The following BICC1 variants were observed in gnomAD, a reference collection of about 807,000 sequenced individuals.
The protein encoded by BICC1 is BicC family RNA binding protein 1.
BICC1 carries 43 observed loss-of-function variants against 111.0 expected under a neutral mutation model. That is an observed-to-expected ratio of 0.39 (90% CI 0.30 to 0.50). The LOEUF is 0.50. Among genes scored for constraint, BICC1 ranks in the 20% least tolerant of loss-of-function variants. BICC1 has a pLI of 0.88. For synonymous variants in BICC1, 467 were observed against 434.4 expected (o/e 1.07, Z -0.93); for missense variants, 1,091 against 1,203.2 (o/e 0.91, Z 1.38).
intron 14 of BICC1, among the ~76,000 whole-genome samples, chr10:58,801,939 T>C (rs1843560089): frequency 6.6e-6 from 1 of 152,224 alleles, no homozygotes; most frequent in Non-Finnish European, 1.5e-5. Context: ...TTAAAATAGA[T>C]ACGTATTCTT....
chr10:58,573,657 A>C (rs1169590718), intron 1 of BICC1, among the ~76,000 whole-genome samples: 1 of 152,126 alleles, frequency 6.6e-6, no homozygotes, highest in African/African-American at 2.4e-5. Flanking sequence ...AACCCTTATT[A>C]ATGAGCAGGG....
intron 1 of BICC1, among the ~76,000 whole-genome samples, chr10:58,567,183 G>A (rs777841421): frequency 6.6e-6 from 1 of 152,058 alleles, no homozygotes; most frequent in East Asian, 1.9e-4. Context: ...GTCACAGAAA[G>A]CTTTCTATGC....
chr10:58,596,979 C>A (rs1311801517), intron 1 of BICC1, among the ~76,000 whole-genome samples: 1 of 152,172 alleles, frequency 6.6e-6, no homozygotes, highest in Non-Finnish European at 1.5e-5. Flanking sequence ...CCGTACTGCC[C>A]AAAGTAATTT....
intron 2 of BICC1, among the ~76,000 whole-genome samples, chr10:58,621,917 AAT>A: frequency 3.6e-5 from 1 of 27,650 alleles, no homozygotes; most frequent in South Asian, 1.3e-3. Context: ...AATAGAATAG[AAT>A]AGAATAGAAT....
intron 1 of BICC1, among the ~76,000 whole-genome samples, chr10:58,570,584 T>G (rs1843917832): frequency 6.6e-6 from 1 of 152,198 alleles, no homozygotes; most frequent in Non-Finnish European, 1.5e-5. Flanking sequence ...CTTTGTAGGC[T>G]TCTTTTCAGC....
At chr10:58,583,617 TG>T (rs1844347623) in intron 1 of BICC1, among the ~76,000 whole-genome samples, 1 of 151,772 alleles carries the variant, frequency 6.6e-6, no homozygotes, top group Non-Finnish European at 1.5e-5. Flanking sequence ...TGTGTGTGTG[TG>T]TGTGTGTGTA....
At chr10:58,569,519 C>A (rs765317814) in intron 1 of BICC1, among the ~76,000 whole-genome samples, 3 of 152,124 alleles carry the variant, frequency 2.0e-5, no homozygotes, top group Non-Finnish European at 2.9e-5. Flanking sequence ...TTAGGTATTT[C>A]TCCTAATGCT....
chr10:58,761,478 G>T (rs775417592), intron 3 of BICC1, among the ~76,000 whole-genome samples: 3 of 152,048 alleles, frequency 2.0e-5, no homozygotes, highest in Non-Finnish European at 4.4e-5. Flanking sequence ...TTTTAGAGAT[G>T]GTTTATTGTG....
intron 1 of BICC1, among the ~76,000 whole-genome samples, chr10:58,537,330 A>T (rs1172474282): frequency 7.3e-6 from 1 of 136,820 alleles, no homozygotes; most frequent in Non-Finnish European, 1.6e-5. Flanking sequence ...AAATACTAGA[A>T]ATGGAATGAA....
Position 58,813,850 on chromosome 10 carries a change from A to G in BICC1, c.2397A>G (p.Ser799=). 6.2e-7 allele frequency: 1 copy of G among 1,613,922 alleles called. No individual in the cohort carries two copies. The highest frequency in any genetic ancestry group is 8.5e-7 in the Non-Finnish European group (1 of 1,179,876). ...TACAGGGCTCATCCATGTCCCTTTCACGGTCCAACAGTCGTGAGCACTTGG... is the reference window on the plus strand; with the variant it reads ...TACAGGGCTCATCCATGTCCCTTTCGCGGTCCAACAGTCGTGAGCACTTGG... The part of the protein sequence containing the change: ...TTYEGSSMSL[S]RSNSREHLGG... The change falls in exon 18 of 21, where the codon TCA becomes TCG. Residue 799 remains serine (S), a synonymous_variant. Transcript: ENST00000373886.
At chr10:58,710,495 C>CTTTTT (rs1393208238) in intron 3 of BICC1, among the ~76,000 whole-genome samples, 1 of 152,166 alleles carries the variant, frequency 6.6e-6, no homozygotes, top group Non-Finnish European at 1.5e-5. Flanking sequence ...GACAACACCT[C>CTTTTT]TTTTTTCAGG....
intron 3 of BICC1, among the ~76,000 whole-genome samples, chr10:58,765,559 G>A (rs1028068379): frequency 2.6e-5 from 4 of 152,110 alleles, no homozygotes; most frequent in Admixed American, 6.5e-5. Flanking sequence ...AAGGTTGTAC[G>A]TGATAAACTC....
intron 3 of BICC1, among the ~76,000 whole-genome samples, chr10:58,735,189 C>G (rs1841430948): frequency 6.6e-6 from 1 of 152,192 alleles, no homozygotes; most frequent in African/African-American, 2.4e-5. Flanking sequence ...ATAGACTGTT[C>G]TTTTCATAGC....
At position 58,813,813 on chromosome 10, in the gene BICC1, G is replaced by A. The variant is rs1170594089; in HGVS notation, c.2377-17G>A. On this transcript the variant is annotated splice_polypyrimidine_tract_variant and intron_variant, in intron 17 of 20. Coordinates refer to ENST00000373886, the MANE Select transcript of BICC1 (RefSeq NM_001080512.3). The stretch of plus-strand genomic sequence containing the variant: ...ACCTGATTAAATATTTCCTTATCTG[G>A]CTTTGTCTGTTTACAGGGCTCATCC... The A allele has an allele frequency of 6.2e-6, 10 of 1,610,888 alleles. No individual in the cohort carries two copies. The highest frequency in any genetic ancestry group is 1.7e-5 in the Admixed American group (1 of 59,750).
In BICC1 at chr10:58,770,784, A is replaced by T. The variant is rs200101243; in HGVS notation, c.308-14217A>T. Among the ~76,000 whole-genome samples the T allele has an allele frequency of 7.9e-5, 12 of 152,336 alleles. No individual in the cohort carries two copies. In the East Asian group the frequency reaches 2.3e-3, roughly 29 times the overall value. ...AAAAGTCACTCTGCACCAGCATGTGATGTGTCTGCAATGCTGTTATAAATG... is the reference window on the plus strand; with the variant it reads ...AAAAGTCACTCTGCACCAGCATGTGTTGTGTCTGCAATGCTGTTATAAATG... On this transcript the variant is annotated intron_variant, in intron 3 of 20. Transcript: ENST00000373886.
At chr10:58,520,007 G>A (rs1842349134) in intron 1 of BICC1, among the ~76,000 whole-genome samples, 1 of 152,076 alleles carries the variant, frequency 6.6e-6, no homozygotes, top group Non-Finnish European at 1.5e-5. Context: ...CGCCCTTTTG[G>A]CTTTTCATAG....
rs145448965 is a variant in BICC1 at position 58,584,271 on chromosome 10, G to A, written c.191-36584G>A. Among the ~76,000 whole-genome samples the A allele has an allele frequency of 1.8e-3, 281 of 152,222 alleles. 1 individual carries two copies. The highest frequency in any genetic ancestry group is 6.4e-3 in the African/African-American group (265 of 41,536). ...TTACACCTTCTGTCTTCAAATTGGG[G>A]AAGGGAAGAAATGACCTCTCCCATG... On this transcript the variant is annotated intron_variant, in intron 1 of 20. Coordinates refer to ENST00000373886, the MANE Select transcript of BICC1 (RefSeq NM_001080512.3).
chr10:58,573,118 G>T (rs1413051235), intron 1 of BICC1, among the ~76,000 whole-genome samples: 1 of 151,990 alleles, frequency 6.6e-6, no homozygotes, highest in East Asian at 1.9e-4. Flanking sequence ...TTCCTGCTTG[G>T]CTCTCTCCCA....
intron 1 of BICC1, among the ~76,000 whole-genome samples, chr10:58,598,239 G>A (rs1459448547): frequency 2.6e-5 from 4 of 152,030 alleles, no homozygotes; most frequent in East Asian, 1.9e-4. Flanking sequence ...GAGGCATCAC[G>A]CTACCTGATT....
Sources: gnomAD v4.1 joint callset for allele counts (sites outside exome capture counted in the v4.1 genomes callset) on GRCh38, gnomAD v4.1.1 for gene constraint, MANE v1.5 for transcripts, NCBI Gene and HGNC (gene_info 2026-07-23, HGNC 2026-07-21) for gene names.